SDK1: variants seen among roughly 807,000 people sequenced by gnomAD.
SDK1 encodes the protein protein sidekick-1.
In SDK1, 157 loss-of-function variants were observed where a neutral mutation model predicts 245.5. The observed-to-expected ratio is 0.64, with a 90% CI of 0.56 to 0.73. The LOEUF (loss-of-function observed/expected upper bound fraction) is 0.73, where lower values mean the gene tolerates loss of function less well. Ranked by LOEUF, SDK1 falls within the 30% of genes least tolerant of loss-of-function variation. SDK1 has a pLI of 0.00. For missense variants in SDK1, 3,583 were observed against 3,002.3 expected, an observed-to-expected ratio of 1.19 and a Z score of -4.52; for synonymous variants, 1,647 against 1,278.5, an observed-to-expected ratio of 1.29 and a Z score of -6.15.
chr7:4,029,106 G>A (rs1787587374), intron 17 of SDK1, among the ~76,000 whole-genome samples: 1 of 115,428 alleles, frequency 8.7e-6, no homozygotes, highest in Non-Finnish European at 1.7e-5. Context: ...GAGGTGGGTG[G>A]GGGTCACTGA....
chr7:3,815,496 T>C (rs1216176950), intron 4 of SDK1, among the ~76,000 whole-genome samples: 6 of 150,624 alleles, frequency 4.0e-5, no homozygotes, highest in Middle Eastern at 3.4e-3. Flanking sequence ...CTTTTTGATG[T>C]GCTGCTGGAT....
At chr7:4,105,605 T>G (rs1452264043) in intron 22 of SDK1, among the ~76,000 whole-genome samples, 1 of 152,090 alleles carries the variant, frequency 6.6e-6, no homozygotes, top group Non-Finnish European at 1.5e-5. Flanking sequence ...ACGCCTGGCC[T>G]GGGAGTTGTG....
At chr7:4,181,332 G>A (rs1052260322) in intron 35 of SDK1, among the ~76,000 whole-genome samples, 17 of 152,338 alleles carry the variant, frequency 1.1e-4, no homozygotes, top group African/African-American at 3.1e-4. Context: ...CATCTGGTGT[G>A]TCTGCTCCTC....
chr7:3,346,827 A>ATTTT (rs1163275778), intron 1 of SDK1, among the ~76,000 whole-genome samples: 6 of 16,386 alleles, frequency 3.7e-4, no homozygotes, highest in East Asian at 2.2e-3. Flanking sequence ...ATATATATAT[A>ATTTT]TTTTTTTTTT....
rs1217088054 is a variant in SDK1, at chr7:4,233,329, C to T, written c.5902C>T (p.Leu1968Phe). 13 of 1,613,978 alleles carry T rather than the reference C, an allele frequency of 8.1e-6. No homozygotes were observed. The South Asian group carries it at 1.3e-4, about 16-fold the overall frequency. ...ATCCTACACCCTCAGCCTGGATAAG[C>T]TCCGGCAAGGAGTGACTTACGAGTT... is the stretch of plus-strand genomic sequence containing the variant. ...ATSYTLSLDK[L>F]RQGVTYEFRV... The change falls in exon 41 of 45, where the codon CTC becomes TTC. Residue 1968 changes from leucine to phenylalanine, a missense_variant. Transcript: ENST00000404826.
chr7:3,855,446 A>T (rs572232989), intron 5 of SDK1, among the ~76,000 whole-genome samples: 1 of 152,328 alleles, frequency 6.6e-6, no homozygotes, highest in South Asian at 2.1e-4. Flanking sequence ...TGTAAATTAA[A>T]CATTGATTGT....
chr7:4,215,282 G>A (rs1784730412), intron 38 of SDK1, among the ~76,000 whole-genome samples: 1 of 152,260 alleles, frequency 6.6e-6, no homozygotes, highest in South Asian at 2.1e-4. Context: ...GGTGGGTGGT[G>A]AAGGTGGAGG....
intron 2 of SDK1, among the ~76,000 whole-genome samples, chr7:3,627,091 C>G (rs1441107099): frequency 6.6e-6 from 1 of 152,042 alleles, no homozygotes; most frequent in Non-Finnish European, 1.5e-5. Flanking sequence ...CCATGCCCAG[C>G]TAATTCTTTT....
chr7:4,081,567 C>G lies in SDK1; in HGVS notation c.3324+1983C>G, dbSNP rs188074377. Among the ~76,000 whole-genome samples the G allele has an allele frequency of 3.4e-3, 517 of 152,042 alleles. 3 individuals are homozygous for G. Among genetic ancestry groups the G allele is most frequent in the South Asian group, 0.032 (152 of 4,806 alleles). ...TCCCGAGTAGCTGGGGCTACAGGCACCCGCCACCCACCCAGCCAATTTTTT... is the reference window on the plus strand; with the variant it reads ...TCCCGAGTAGCTGGGGCTACAGGCAGCCGCCACCCACCCAGCCAATTTTTT... On this transcript the variant is annotated intron_variant, in intron 22 of 44. Transcript: ENST00000404826.
At chr7:4,001,686 T>C (rs991837517) in intron 14 of SDK1, among the ~76,000 whole-genome samples, 1 of 152,244 alleles carries the variant, frequency 6.6e-6, no homozygotes, top group Admixed American at 6.5e-5. Context: ...GAGAAAGTCT[T>C]CCCAAAGGGA....
chr7:3,374,990 C>T (rs1781317448), intron 1 of SDK1, among the ~76,000 whole-genome samples: 1 of 152,048 alleles, frequency 6.6e-6, no homozygotes, highest in African/African-American at 2.4e-5. Context: ...TTGTATGTGC[C>T]ACATAGTAGA....
intron 1 of SDK1, among the ~76,000 whole-genome samples, chr7:3,438,849 A>ATTTT (rs527596036): frequency 3.0e-4 from 40 of 131,180 alleles, no homozygotes; most frequent in African/African-American, 1.2e-3. Context: ...TTGTATTAAT[A>ATTTT]TTTTTTTTTT....
chr7:3,959,124 G>A (rs796613296), intron 8 of SDK1, 110 bp downstream of exon 8: 8 of 855,564 alleles, frequency 9.4e-6, no homozygotes, highest in Middle Eastern at 3.0e-4. Context: ...GTGTGATGGC[G>A]AAGAGCAGAC....
At chr7:4,069,427 C>T (rs916472965) in intron 20 of SDK1, among the ~76,000 whole-genome samples, 4 of 152,238 alleles carry the variant, frequency 2.6e-5, no homozygotes, top group African/African-American at 4.8e-5. Flanking sequence ...TCTCATGTCC[C>T]GGCAGGGGCT....
At chr7:4,234,039 G>A (rs1003634799) in intron 41 of SDK1, among the ~76,000 whole-genome samples, 2 of 152,182 alleles carry the variant, frequency 1.3e-5, no homozygotes, top group African/African-American at 2.4e-5. Context: ...CATCCTTGCC[G>A]AGGAGCATGT....
intron 5 of SDK1, among the ~76,000 whole-genome samples, chr7:3,925,387 A>G (rs760979756): frequency 2.0e-5 from 3 of 152,200 alleles, no homozygotes; most frequent in Non-Finnish European, 4.4e-5. Flanking sequence ...GCATTTAGGA[A>G]TCGCAGTCAG....
At chr7:3,685,008 A>G (rs1784233874) in intron 4 of SDK1, among the ~76,000 whole-genome samples, 2 of 152,184 alleles carry the variant, frequency 1.3e-5, no homozygotes, top group African/African-American at 4.8e-5. Flanking sequence ...CAAGACTGAG[A>G]GGTAACATTG....
intron 1 of SDK1, among the ~76,000 whole-genome samples, chr7:3,560,518 C>G (rs1356995700): frequency 6.6e-6 from 1 of 152,050 alleles, no homozygotes; most frequent in African/African-American, 2.4e-5. Flanking sequence ...TTAACCATTC[C>G]TACTACTGCT....
intron 1 of SDK1, among the ~76,000 whole-genome samples, chr7:3,313,517 CA>C (rs1302320725): frequency 1.3e-5 from 2 of 152,154 alleles, no homozygotes; most frequent in African/African-American, 2.4e-5. Context: ...GAGTGAGGTA[CA>C]GATTGTAAAG....
Sources: allele counts gnomAD v4.1 joint callset (sites outside exome capture counted in the v4.1 genomes callset), GRCh38; gene constraint gnomAD v4.1.1; transcripts MANE v1.5; gene names NCBI Gene and HGNC (gene_info 2026-07-23, HGNC 2026-07-21).